Variants in KSR1 observed in about 807,000 individuals in gnomAD.
KSR1 encodes the protein kinase suppressor of ras 1, also known as kinase suppressor of ras.
Under a neutral mutation model 92.9 loss-of-function variants are expected in KSR1, and 35 were observed. That is an observed-to-expected ratio of 0.38 (90% CI 0.29 to 0.50). The LOEUF is 0.50. Among genes scored for constraint, KSR1 ranks in the 20% least tolerant of loss-of-function variants. The probability of loss-of-function intolerance (pLI) is 0.94; values close to 1 mark genes in which losing one functional copy is unlikely to be tolerated. For missense variants in KSR1, 972 were observed against 1,158.5 expected (o/e 0.84, Z 2.34); for synonymous variants, 467 against 472.6 (o/e 0.99, Z 0.15).
At chr17:27,572,813 G>A (rs2072361211) in intron 2 of KSR1, among the ~76,000 whole-genome samples, 1 of 152,224 alleles carries the variant, frequency 6.6e-6, no homozygotes, top group Non-Finnish European at 1.5e-5. Flanking sequence ...GAGGTTTCGG[G>A]GGTGCTGAGT....
At chr17:27,569,503 G>GTTTTTGTATGT (rs2072221752) in intron 2 of KSR1, among the ~76,000 whole-genome samples, 1 of 152,238 alleles carries the variant, frequency 6.6e-6, no homozygotes, top group South Asian at 2.1e-4. Flanking sequence ...ATTGCTATGT[G>GTTTTTGTATGT]TTTGGGGGTT....
At chr17:27,515,155 A>T (rs572363970) in intron 1 of KSR1, among the ~76,000 whole-genome samples, 11 of 152,220 alleles carry the variant, frequency 7.2e-5, no homozygotes, top group Non-Finnish European at 1.5e-4. Flanking sequence ...ATAGAAAGCG[A>T]ATTTATATTC....
chr17:27,514,162 T>C (rs1036802298), intron 1 of KSR1, among the ~76,000 whole-genome samples: 16 of 152,252 alleles, frequency 1.1e-4, no homozygotes, highest in Non-Finnish European at 2.1e-4. Context: ...TGAATGGCCA[T>C]TTGCCACTTG....
intron 1 of KSR1, among the ~76,000 whole-genome samples, chr17:27,526,069 TC>T (rs1297939868): frequency 2.1e-3 from 113 of 54,708 alleles, no homozygotes; most frequent in East Asian, 4.5e-3. Context: ...TCTCTTTCTT[TC>T]TCTTTCTTTC....
chr17:27,562,089 G>A (rs556706485), intron 2 of KSR1, among the ~76,000 whole-genome samples: 1 of 152,194 alleles, frequency 6.6e-6, no homozygotes, highest in South Asian at 2.1e-4. Flanking sequence ...CAAGTGATCT[G>A]CCCGCCATGG....
chr17:27,540,691 T>C (rs1162404258), intron 1 of KSR1, among the ~76,000 whole-genome samples: 1 of 152,212 alleles, frequency 6.6e-6, no homozygotes, highest in Non-Finnish European at 1.5e-5. Context: ...CCTCTCCTGC[T>C]CTGTCCCATG....
At chr17:27,533,399 T>G (rs2070625512) in intron 1 of KSR1, among the ~76,000 whole-genome samples, 1 of 151,858 alleles carries the variant, frequency 6.6e-6, no homozygotes, top group Non-Finnish European at 1.5e-5. Flanking sequence ...TTTTTTTTTT[T>G]TTTAAGATGG....
intron 1 of KSR1, among the ~76,000 whole-genome samples, chr17:27,547,139 GGTAA>G (rs2071209259): frequency 6.6e-6 from 1 of 152,224 alleles, no homozygotes; most frequent in Non-Finnish European, 1.5e-5. Context: ...ATGGGAGAGG[GGTAA>G]GTAACCCCAA....
intron 3 of KSR1, among the ~76,000 whole-genome samples, chr17:27,581,757 T>C (rs1030438113): frequency 6.6e-6 from 1 of 152,158 alleles, no homozygotes; most frequent in Non-Finnish European, 1.5e-5. Flanking sequence ...GATGGGTCTT[T>C]TTAGGCCTTT....
chr17:27,600,192 T>G (rs2073504330), intron 10 of KSR1, among the ~76,000 whole-genome samples: 1 of 151,798 alleles, frequency 6.6e-6, no homozygotes, highest in African/African-American at 2.4e-5. Context: ...CCCAGCACTT[T>G]GGGAGGCCAA....
intron 1 of KSR1, among the ~76,000 whole-genome samples, chr17:27,463,383 C>G (rs1432898829): frequency 4.0e-5 from 6 of 151,654 alleles, no homozygotes; most frequent in Admixed American, 3.9e-4. Context: ...TGGCACGCTC[C>G]TGTAGTTCTA....
At chr17:27,608,571 G>A (rs1042302618) in intron 15 of KSR1, among the ~76,000 whole-genome samples, 3 of 152,114 alleles carry the variant, frequency 2.0e-5, no homozygotes, top group South Asian at 2.1e-4. Flanking sequence ...CCACCTCTTC[G>A]CTTGATAGGT....
intron 3 of KSR1, among the ~76,000 whole-genome samples, chr17:27,581,464 TCG>T (rs1398503714): frequency 6.6e-6 from 1 of 152,130 alleles, no homozygotes; most frequent in Non-Finnish European, 1.5e-5. Context: ...ACAGAACTCT[TCG>T]TAGTGACCAG....
intron 18 of KSR1, 33 bp from the exon 19 acceptor site, chr17:27,617,262 C>T: frequency 6.3e-7 from 1 of 1,585,560 alleles, no homozygotes; most frequent in Non-Finnish European, 8.6e-7. Context: ...TCCCAGCCAG[C>T]TCACACACCA....
intron 16 of KSR1, 82 bp from the exon 17 acceptor site, chr17:27,609,985 C>T (rs749848881): frequency 8.3e-5 from 130 of 1,560,726 alleles, no homozygotes; most frequent in Non-Finnish European, 1.1e-4. Flanking sequence ...TTCTGCCGGC[C>T]CTGGGGCAGA....
At chr17:27,472,323 C>T (rs1269268577) in intron 1 of KSR1, among the ~76,000 whole-genome samples, 1 of 152,220 alleles carries the variant, frequency 6.6e-6, no homozygotes, top group African/African-American at 2.4e-5. Flanking sequence ...AGTGTACTCA[C>T]ATAGCGAGGT....
rs1007859242 is a variant in KSR1, at chr17:27,500,796, C to T, written c.231+43922C>T. Among the ~76,000 whole-genome samples, 3 of 152,116 alleles carry T rather than the reference C, an allele frequency of 2.0e-5. No homozygotes were observed. In the South Asian group the frequency reaches 6.2e-4, roughly 32 times the overall value. ...CACCACCTTCAGGGATTGGGGCCCTCTGCGAGTAGCGGGGGCAAAGGGTGC... is the reference window on the plus strand; with the variant it reads ...CACCACCTTCAGGGATTGGGGCCCTTTGCGAGTAGCGGGGGCAAAGGGTGC... On this transcript the variant is annotated intron_variant, in intron 1 of 20. Transcript: ENST00000644974.
intron 5 of KSR1, among the ~76,000 whole-genome samples, chr17:27,586,605 C>T (rs1295630347): frequency 6.6e-6 from 1 of 152,200 alleles, no homozygotes; most frequent in South Asian, 2.1e-4. Context: ...ACATTCAACA[C>T]CCCCATCTCT....
chr17:27,476,720 A>G (rs2068359059), intron 1 of KSR1, among the ~76,000 whole-genome samples: 1 of 152,168 alleles, frequency 6.6e-6, no homozygotes, highest in Non-Finnish European at 1.5e-5. Context: ...GGTGGTGGCG[A>G]TGAGGACATT....
Sources: allele counts gnomAD v4.1 joint callset (sites outside exome capture counted in the v4.1 genomes callset), GRCh38; gene constraint gnomAD v4.1.1; transcripts MANE v1.5; gene names NCBI Gene and HGNC (gene_info 2026-07-23, HGNC 2026-07-21).